Variants in CES5A observed in about 807,000 individuals in gnomAD.
The protein encoded by CES5A is carboxylesterase 5.
A neutral mutation model predicts 62.9 loss-of-function variants in CES5A; 67 were observed. That is an observed-to-expected ratio of 1.07 (90% CI 0.88 to 1.31). The LOEUF is 1.31. Ranked by LOEUF, CES5A falls within the 50% of genes most tolerant of loss-of-function variation. The pLI is 0.00. For synonymous variants in CES5A, 296 were observed against 280.8 expected, an observed-to-expected ratio of 1.05 and a Z score of -0.54; for missense variants, 748 against 708.5, an observed-to-expected ratio of 1.06 and a Z score of -0.63.
At chr16:55,910,849 G>C (rs1047364011) in intron 1 of CES5A, among the ~76,000 whole-genome samples, 5 of 148,920 alleles carry the variant, frequency 3.4e-5, no homozygotes. Context: ...TTGCCCTTGG[G>C]CTGCCAACAT....
At chr16:55,904,409 G>A (rs2034019181) in intron 1 of CES5A, among the ~76,000 whole-genome samples, 1 of 152,170 alleles carries the variant, frequency 6.6e-6, no homozygotes, top group African/African-American at 2.4e-5. Context: ...TGATAGCAGA[G>A]GGAAAGAGAA....
At chr16:55,882,646 G>C (rs536730150) in intron 1 of CES5A, among the ~76,000 whole-genome samples, 1 of 152,218 alleles carries the variant, frequency 6.6e-6, no homozygotes, top group South Asian at 2.1e-4. Context: ...ATGTCTAGGT[G>C]TGGAATGTGC....
chr16:55,912,420 C>T (rs2034103017), intron 1 of CES5A, among the ~76,000 whole-genome samples: 1 of 152,078 alleles, frequency 6.6e-6, no homozygotes, highest in African/African-American at 2.4e-5. Flanking sequence ...TGGAAGGGAG[C>T]ATTCGAGGAA....
intron 1 of CES5A, chr16:55,955,700 G>C: frequency 1.2e-6 from 1 of 812,726 alleles, no homozygotes; most frequent in Non-Finnish European, 1.9e-6. Flanking sequence ...GGCAGTCAAG[G>C]TATCCATCTA....
intron 1 of CES5A, among the ~76,000 whole-genome samples, chr16:55,950,817 C>G (rs578094731): frequency 6.6e-6 from 1 of 152,096 alleles, no homozygotes; most frequent in East Asian, 1.9e-4. Flanking sequence ...AAGACCCACA[C>G]TTGGCCGGGC....
chr16:55,853,878 T>A (rs181279027), intron 9 of CES5A, among the ~76,000 whole-genome samples: 9 of 152,258 alleles, frequency 5.9e-5, no homozygotes, highest in African/African-American at 1.7e-4. Context: ...CCCCTACCAC[T>A]AAGACAGCAG....
intron 11 of CES5A, among the ~76,000 whole-genome samples, chr16:55,849,300 G>T (rs1404513972): frequency 6.6e-6 from 1 of 151,994 alleles, no homozygotes. Context: ...GAAGGGGAGG[G>T]AGGGTAAGAC....
At chr16:55,930,065 C>T (rs556354125), upstream of CES5A, among the ~76,000 whole-genome samples, 95 of 152,196 alleles carry the variant, frequency 6.2e-4, no homozygotes, top group African/African-American at 2.2e-3. Flanking sequence ...CCTCTTTGTC[C>T]CAATCACTAA....
At chr16:55,952,742 C>T (rs553495781) in intron 1 of CES5A, among the ~76,000 whole-genome samples, 8 of 151,882 alleles carry the variant, frequency 5.3e-5, no homozygotes, top group Non-Finnish European at 1.2e-4. Flanking sequence ...CATGGAAGAC[C>T]AATAATCATA....
At chr16:55,875,124 C>T (rs770123383) in intron 1 of CES5A, 25 bp downstream of exon 1, 5 of 1,607,966 alleles carry the variant, frequency 3.1e-6, no homozygotes, top group Admixed American at 1.7e-5. Flanking sequence ...TTCTGAGAGC[C>T]CTCCTTTCCC....
In CES5A at chr16:55,873,888, G is replaced by T. The variant is rs139296503; in HGVS notation, c.223C>A (p.Pro75Thr). Residue 75 changes from proline (P) to threonine (T), a missense_variant, in exon 2 of 13, where the codon CCG becomes ACG. Physicochemically the swap from Pro to Thr is conservative, Grantham distance 38. Coordinates refer to ENST00000290567, the MANE Select transcript of CES5A (RefSeq NM_001143685.2). ...TTATCCCAGGGCGATGCAGGCTGCG[G>T]GTTCGTAAATCGCAGGGATCCCAGC... ...PPLGSLRFTN[P>T]QPASPWDNLR... 5.6e-6 allele frequency: 9 copies of T among 1,613,698 alleles called. No homozygotes were observed. The African/African-American group carries it at 1.2e-4, about 22-fold the overall frequency.
At position 55,863,330 on chromosome 16, in the gene CES5A, T is replaced by A; in HGVS notation, c.810+18A>T. ...AACTGAGGAGAGGAAGGTGGCAAGG[T>A]GTTAACAGTATACGTACGTCCTCAC... On this transcript the variant is annotated intron_variant, in intron 6 of 12. Coordinates refer to ENST00000290567, the MANE Select transcript of CES5A (RefSeq NM_001143685.2). 1 of 1,242,486 alleles carries A rather than the reference T, an allele frequency of 8.0e-7. No individual in the cohort carries two copies. The highest frequency in any genetic ancestry group is 1.2e-6 in the Non-Finnish European group (1 of 841,044). 77.0% of individuals were successfully genotyped at this position (1,242,486 alleles called of 1,614,324 possible).
intron 11 of CES5A, among the ~76,000 whole-genome samples, chr16:55,849,345 T>C (rs1236078769): frequency 6.1e-5 from 5 of 82,230 alleles, no homozygotes; most frequent in African/African-American, 2.0e-4. Flanking sequence ...ATGGTTCTAG[T>C]ATATTAAAAA....
rs890472788 is a variant in CES5A at position 55,873,861 on chromosome 16, A to G, written c.250T>C (p.Leu84=). ...TTAGGGTAGGAGGTGGCTTCTCGCA[A>G]GTTATCCCAGGGCGATGCAGGCTGC... The part of the protein sequence containing the change: ...NPQPASPWDN[L]REATSYPNLC... The change falls in exon 2 of 13, where the codon TTG becomes CTG. Residue 84 remains leucine, a synonymous_variant. Transcript: ENST00000290567. The G allele has an allele frequency of 5.6e-6, 9 of 1,613,388 alleles. No individual in the cohort carries two copies. The highest frequency in any genetic ancestry group is 7.6e-6 in the Non-Finnish European group (9 of 1,179,786).
intron 2 of CES5A, chr16:55,944,370 G>A: frequency 2.5e-6 from 1 of 403,102 alleles, no homozygotes; most frequent in Non-Finnish European, 4.5e-6. Context: ...ACCATTGGGG[G>A]CTCTCATTTT....
At chr16:55,906,399 GA>G (rs1449233365) in intron 1 of CES5A, among the ~76,000 whole-genome samples, 1 of 152,206 alleles carries the variant, frequency 6.6e-6, no homozygotes, top group African/African-American at 2.4e-5. Context: ...AAAGAGTTGG[GA>G]ACAGGGTGGT....
At chr16:55,908,167 A>G (rs1432361789) in intron 1 of CES5A, among the ~76,000 whole-genome samples, 1 of 151,902 alleles carries the variant, frequency 6.6e-6, no homozygotes, top group Non-Finnish European at 1.5e-5. Flanking sequence ...CAGCCCTTAA[A>G]TCAGCCTAAC....
At chr16:55,946,016 G>A (rs2034491173) in intron 2 of CES5A, among the ~76,000 whole-genome samples, 1 of 152,170 alleles carries the variant, frequency 6.6e-6, no homozygotes, top group Non-Finnish European at 1.5e-5. Flanking sequence ...GCTCTTAAGG[G>A]AGGTAAAGCT....
intron 1 of CES5A, among the ~76,000 whole-genome samples, chr16:55,955,241 T>G (rs2034596735): frequency 6.6e-6 from 1 of 152,156 alleles, no homozygotes; most frequent in Non-Finnish European, 1.5e-5. Context: ...AATAAGTAAC[T>G]TCTTTAAAAG....
Sources: gnomAD v4.1 joint callset for allele counts (sites outside exome capture counted in the v4.1 genomes callset) on GRCh38, gnomAD v4.1.1 for gene constraint, MANE v1.5 for transcripts, NCBI Gene and HGNC (gene_info 2026-07-23, HGNC 2026-07-21) for gene names.